The following DUSP29 variants were observed in gnomAD, a reference collection of about 807,000 sequenced individuals.
The protein encoded by DUSP29 is atypical dual-specific protein phosphatase.
Under a neutral mutation model 13.5 loss-of-function variants are expected in DUSP29, and 12 were observed. That is an observed-to-expected ratio of 0.89 (90% CI 0.57 to 1.44). The LOEUF (loss-of-function observed/expected upper bound fraction) is 1.44. DUSP29 is among the 40% of genes most tolerant of loss of function. The pLI is 0.00. For synonymous variants in DUSP29, 134 were observed against 128.7 expected, an observed-to-expected ratio of 1.04 and a Z score of -0.28; for missense variants, 308 against 301.1, an observed-to-expected ratio of 1.02 and a Z score of -0.17.
chr10:75,073,349 T>G (rs2134312930), intron 1 of DUSP29, among the ~76,000 whole-genome samples: 1 of 152,360 alleles, frequency 6.6e-6, no homozygotes, highest in South Asian at 2.1e-4. Flanking sequence ...AAATGGTCGT[T>G]GAACTGGAAG....
rs755599081 is a variant in DUSP29 at position 75,057,424 on chromosome 10, G to A, written c.200+891C>T. Among the ~76,000 whole-genome samples, 16 of 152,176 alleles carry A rather than the reference G, an allele frequency of 1.1e-4. 1 individual carries two copies. The highest frequency in any genetic ancestry group is 6.2e-4 in the South Asian group (3 of 4,820). ...CAGTTAAGAACAAGCCTCTGGGTTG[G>A]GCAGAGCTGCATTTTAATCCCAGCT... On this transcript the variant is annotated intron_variant, in intron 2 of 3. Coordinates refer to ENST00000338487, the MANE Select transcript of DUSP29 (RefSeq NM_001003892.3).
chr10:75,052,790 C>A (rs1327836823), intron 2 of DUSP29, among the ~76,000 whole-genome samples: 4 of 152,220 alleles, frequency 2.6e-5, no homozygotes, highest in Non-Finnish European at 5.9e-5. Context: ...AAATAACCTG[C>A]CCAAAGCCAA....
At chr10:75,044,083 G>A (rs1846652308) in intron 2 of DUSP29, 66 bp from the exon 3 acceptor site, 1 of 1,456,410 alleles carries the variant, frequency 6.9e-7, no homozygotes, top group Non-Finnish European at 9.3e-7. Context: ...AAACTCAGGG[G>A]CCACCCACGC....
chr10:75,063,316 A>G (rs866371420), intron 1 of DUSP29, among the ~76,000 whole-genome samples: 2 of 152,188 alleles, frequency 1.3e-5, no homozygotes, highest in African/African-American at 4.8e-5. Flanking sequence ...GATAGCATCT[A>G]CTACAGGTGC....
intron 1 of DUSP29, among the ~76,000 whole-genome samples, chr10:75,060,236 G>A (rs989132891): frequency 1.3e-5 from 2 of 152,162 alleles, no homozygotes; most frequent in Non-Finnish European, 2.9e-5. Flanking sequence ...CTGGGAGGCT[G>A]AGGTGGGCAG....
intron 1 of DUSP29, among the ~76,000 whole-genome samples, chr10:75,063,127 G>C (rs1396626979): frequency 2.0e-5 from 3 of 152,218 alleles, no homozygotes; most frequent in Admixed American, 1.3e-4. Flanking sequence ...GAGTGGTGGG[G>C]AGTGTGGCAC....
chr10:75,054,085 G>A (rs1846903833), intron 2 of DUSP29, among the ~76,000 whole-genome samples: 1 of 152,136 alleles, frequency 6.6e-6, no homozygotes, highest in Non-Finnish European at 1.5e-5. Flanking sequence ...TATGGGGATT[G>A]GAGGAAGCTA....
At chr10:75,070,088 AG>A (rs1847295750) in intron 1 of DUSP29, among the ~76,000 whole-genome samples, 1 of 63,430 alleles carries the variant, frequency 1.6e-5, no homozygotes, top group East Asian at 1.0e-3. Context: ...GAAGGAAGGA[AG>A]GAAGGAAGGA....
intron 1 of DUSP29, among the ~76,000 whole-genome samples, chr10:75,062,692 T>C (rs1847117059): frequency 6.6e-6 from 1 of 152,058 alleles, no homozygotes; most frequent in African/African-American, 2.4e-5. Flanking sequence ...CTCCCAACTC[T>C]CTAATTCTCA....
At chr10:75,052,300 CTTTTT>C (rs751523419) in intron 2 of DUSP29, among the ~76,000 whole-genome samples, 11 of 124,900 alleles carry the variant, frequency 8.8e-5, no homozygotes, top group Non-Finnish European at 1.3e-4. Flanking sequence ...CATTTGTCTA[CTTTTT>C]TTTTTTTTTT....
chr10:75,045,973 G>A (rs1050751701), intron 2 of DUSP29, among the ~76,000 whole-genome samples: 23 of 151,976 alleles, frequency 1.5e-4, no homozygotes, highest in Non-Finnish European at 1.5e-4. Context: ...AAAATTAGCC[G>A]GGCATGCTGG....
intron 2 of DUSP29, among the ~76,000 whole-genome samples, chr10:75,056,997 C>A (rs186480296): frequency 2.6e-5 from 4 of 152,030 alleles, no homozygotes; most frequent in African/African-American, 9.7e-5. Flanking sequence ...ACATATAGGC[C>A]GGGCACGGTG....
chr10:75,057,134 G>A (rs1252372525), intron 2 of DUSP29, among the ~76,000 whole-genome samples: 1 of 152,012 alleles, frequency 6.6e-6, no homozygotes, highest in African/African-American at 2.4e-5. Flanking sequence ...AATTAGCCAG[G>A]TGTGGAGGCA....
intron 1 of DUSP29, among the ~76,000 whole-genome samples, chr10:75,065,655 C>T (rs1847185139): frequency 6.6e-6 from 1 of 151,900 alleles, no homozygotes; most frequent in South Asian, 2.1e-4. Flanking sequence ...GAGCCACATA[C>T]AGGCTTCTTG....
intron 1 of DUSP29, 93 bp from the exon 2 acceptor site, chr10:75,058,641 A>C: frequency 3.6e-6 from 4 of 1,118,024 alleles, no homozygotes; most frequent in Non-Finnish European, 5.0e-6. Context: ...AGCTTATCTT[A>C]AAATTTGGAA....
At chr10:75,064,812 G>GT (rs796675096) in intron 1 of DUSP29, among the ~76,000 whole-genome samples, 55 of 146,582 alleles carry the variant, frequency 3.8e-4, no homozygotes, top group South Asian at 8.6e-4. Context: ...ACTTTTTATA[G>GT]TTTTTTTTTT....
intron 1 of DUSP29, among the ~76,000 whole-genome samples, chr10:75,070,062 GA>G (rs1589871209): frequency 1.6e-5 from 2 of 121,434 alleles, no homozygotes; most frequent in Admixed American, 9.3e-5. Flanking sequence ...AAAAAAGAAA[GA>G]AAGAAGAAAG....
At chr10:75,066,885 G>A (rs986450118) in intron 1 of DUSP29, among the ~76,000 whole-genome samples, 1 of 152,114 alleles carries the variant, frequency 6.6e-6, no homozygotes, top group Admixed American at 6.5e-5. Flanking sequence ...TGTGCCTCCT[G>A]AGAAAGCAGG....
At chr10:75,066,930 C>A (rs1014403247) in intron 1 of DUSP29, among the ~76,000 whole-genome samples, 1 of 150,914 alleles carries the variant, frequency 6.6e-6, no homozygotes, top group African/African-American at 2.4e-5. Context: ...GAAGCTTATT[C>A]AATTTCTTTT....
Sources: gnomAD v4.1 joint callset for allele counts (sites outside exome capture counted in the v4.1 genomes callset) on GRCh38, gnomAD v4.1.1 for gene constraint, MANE v1.5 for transcripts, NCBI Gene and HGNC (gene_info 2026-07-23, HGNC 2026-07-21) for gene names.